Variants in ACAD11 observed in about 807,000 individuals in gnomAD.
ACAD11 encodes the protein acyl-CoA dehydrogenase family member 11, also known as acyl-Coenzyme A dehydrogenase family, member 11.
Under a neutral mutation model 102.2 loss-of-function variants are expected in ACAD11, and 83 were observed. The observed-to-expected ratio is 0.81, with a 90% CI of 0.68 to 0.97. ACAD11 has a LOEUF of 0.97. Ranked by LOEUF, ACAD11 falls within the 50% of genes least tolerant of loss-of-function variation. The pLI, the probability that ACAD11 is intolerant of heterozygous loss-of-function variation, is 0.00. For synonymous variants in ACAD11, 324 were observed against 319.8 expected (o/e 1.01, Z -0.14); for missense variants, 901 against 951.7 (o/e 0.95, Z 0.70).
At chr3:132,587,885 T>C (rs1210084284) in intron 13 of ACAD11, among the ~76,000 whole-genome samples, 4 of 152,186 alleles carry the variant, frequency 2.6e-5, no homozygotes, top group Non-Finnish European at 5.9e-5. Flanking sequence ...ATTCAGGAGT[T>C]AGCCAGAGAC....
chr3:132,653,880 G>A (rs1170558394), intron 1 of ACAD11, among the ~76,000 whole-genome samples: 1 of 152,156 alleles, frequency 6.6e-6, no homozygotes, highest in Non-Finnish European at 1.5e-5. Flanking sequence ...TTCTAAGTAA[G>A]ACCTTCGATC....
At chr3:132,635,651 G>A (rs908227132) in intron 5 of ACAD11, among the ~76,000 whole-genome samples, 7 of 152,098 alleles carry the variant, frequency 4.6e-5, no homozygotes, top group Admixed American at 3.3e-4. Flanking sequence ...TTAAATGGGC[G>A]GGTAGCACAT....
At chr3:132,619,214 G>A (rs1032035929) in intron 10 of ACAD11, among the ~76,000 whole-genome samples, 2 of 152,140 alleles carry the variant, frequency 1.3e-5, no homozygotes, top group African/African-American at 2.4e-5. Flanking sequence ...TTCAGTGATG[G>A]CTAATAATGA....
chr3:132,620,890 C>T (rs1939583160), intron 9 of ACAD11, among the ~76,000 whole-genome samples: 1 of 152,064 alleles, frequency 6.6e-6, no homozygotes, highest in African/African-American at 2.4e-5. Flanking sequence ...TCACACACTC[C>T]AAAATTTGAA....
intron 1 of ACAD11, 147 bp from the exon 2 acceptor site, chr3:132,645,043 A>G (rs1940667341): frequency 1.8e-6 from 1 of 553,950 alleles, no homozygotes; most frequent in Admixed American, 3.3e-5. Context: ...GCAGCTCACA[A>G]CATGAATTTC....
intron 6 of ACAD11, among the ~76,000 whole-genome samples, chr3:132,630,773 A>T (rs938395106): frequency 5.9e-5 from 9 of 152,308 alleles, no homozygotes; most frequent in Non-Finnish European, 1.2e-4. Flanking sequence ...AGTTCAGAAA[A>T]TTTAACGAAG....
At chr3:132,607,625 T>G (rs1259652332) in intron 11 of ACAD11, among the ~76,000 whole-genome samples, 4 of 151,998 alleles carry the variant, frequency 2.6e-5, no homozygotes, top group Non-Finnish European at 5.9e-5. Flanking sequence ...TGGGATGATG[T>G]GAAAAGACCA....
chr3:132,621,092 CAT>C (rs1167138957), intron 9 of ACAD11: 1 of 152,016 alleles, frequency 6.6e-6, no homozygotes, highest in Non-Finnish European at 1.5e-5. Flanking sequence ...GAGTCCCAGA[CAT>C]AAAGAATAAA....
intron 17 of ACAD11, among the ~76,000 whole-genome samples, chr3:132,561,814 C>G (rs1301003584): frequency 4.6e-5 from 7 of 152,188 alleles, no homozygotes; most frequent in Non-Finnish European, 1.0e-4. Context: ...GGTGCTGCCC[C>G]TTTTTAGTCA....
chr3:132,653,791 G>A (rs1353231792), intron 1 of ACAD11, among the ~76,000 whole-genome samples: 2 of 152,012 alleles, frequency 1.3e-5, no homozygotes, highest in Non-Finnish European at 2.9e-5. Flanking sequence ...TCCTTTGTAG[G>A]TTTCTCTTAA....
intron 9 of ACAD11, among the ~76,000 whole-genome samples, chr3:132,623,094 T>G (rs1939667161): frequency 6.6e-6 from 1 of 152,240 alleles, no homozygotes; most frequent in South Asian, 2.1e-4. Flanking sequence ...TGGCTTTTAA[T>G]ATTTTCATAG....
intron 11 of ACAD11, among the ~76,000 whole-genome samples, chr3:132,616,981 G>C (rs1939432207): frequency 6.6e-6 from 1 of 152,180 alleles, no homozygotes; most frequent in Admixed American, 6.5e-5. Context: ...GGAAAATCCA[G>C]ACTGCGTTTT....
At chr3:132,639,826 A>AT (rs1316714993) in intron 4 of ACAD11, among the ~76,000 whole-genome samples, 170 bp from the exon 5 acceptor site, 2 of 152,180 alleles carry the variant, frequency 1.3e-5, no homozygotes, top group East Asian at 3.9e-4. Flanking sequence ...AACCTTAAAC[A>AT]TTTAAGTCTC....
At chr3:132,593,155 G>A (rs1046332586) in intron 13 of ACAD11, among the ~76,000 whole-genome samples, 51 of 151,708 alleles carry the variant, frequency 3.4e-4, no homozygotes, top group Middle Eastern at 3.4e-3. Flanking sequence ...ATCAGACAAA[G>A]ATCAATTGGT....
intron 7 of ACAD11, among the ~76,000 whole-genome samples, chr3:132,629,111 T>A (rs61151161): frequency 0.24 from 36,913 of 152,138 alleles, 7,428 homozygotes; most frequent in African/African-American, 0.53. Flanking sequence ...GATTGGAATG[T>A]TTATGACCAT....
chr3:132,622,545 T>C (rs1444774751), intron 9 of ACAD11, among the ~76,000 whole-genome samples: 2 of 152,256 alleles, frequency 1.3e-5, no homozygotes, highest in Non-Finnish European at 2.9e-5. Flanking sequence ...AGTGTTTATA[T>C]AATTTTAAAA....
chr3:132,582,756 T>TGG (rs1341782084), intron 13 of ACAD11, among the ~76,000 whole-genome samples: 1 of 151,944 alleles, frequency 6.6e-6, no homozygotes, highest in Non-Finnish European at 1.5e-5. Context: ...GTGCCTAAAA[T>TGG]GGGTGACTCT....
At chr3:132,605,306 A>T in intron 11 of ACAD11, 101 bp from the exon 12 acceptor site, 1 of 634,750 alleles carries the variant, frequency 1.6e-6, no homozygotes, top group Admixed American at 3.0e-5. Flanking sequence ...TTTTAAAGCA[A>T]ATGTTTGCTA....
intron 17 of ACAD11, among the ~76,000 whole-genome samples, chr3:132,566,719 T>G (rs2107782323): frequency 6.6e-6 from 1 of 152,242 alleles, no homozygotes; most frequent in African/African-American, 2.4e-5. Flanking sequence ...AAGACATTCT[T>G]AGAAGAAGCA....
Sources: allele counts gnomAD v4.1 joint callset (sites outside exome capture counted in the v4.1 genomes callset), GRCh38; gene constraint gnomAD v4.1.1; transcripts MANE v1.5; gene names NCBI Gene and HGNC (gene_info 2026-07-23, HGNC 2026-07-21).